Variants in RYR3 observed in about 807,000 individuals in gnomAD.
The protein encoded by RYR3 is brain ryanodine receptor-calcium release channel.
RYR3 carries 207 observed loss-of-function variants against 584.3 expected under a neutral mutation model. The ratio of observed to expected loss-of-function variants is 0.35; its 90% CI spans 0.32 to 0.40. The LOEUF (loss-of-function observed/expected upper bound fraction) is 0.40. Ranked by LOEUF, RYR3 falls within the 10% of genes least tolerant of loss-of-function variation. The probability of loss-of-function intolerance (pLI) is 1.00; values close to 1 mark genes in which losing one functional copy is unlikely to be tolerated. For synonymous variants in RYR3, 2,416 were observed against 2,248.5 expected, an observed-to-expected ratio of 1.07 and a Z score of -2.11; for missense variants, 5,616 against 6,089.2, an observed-to-expected ratio of 0.92 and a Z score of 2.59.
chr15:33,528,978 C>T (rs2054621412), intron 3 of RYR3, among the ~76,000 whole-genome samples: 2 of 152,292 alleles, frequency 1.3e-5, no homozygotes, highest in Middle Eastern at 3.4e-3. Flanking sequence ...GGAGGACACA[C>T]CCACAGTGTA....
chr15:33,354,979 A>T (rs141341041), intron 1 of RYR3, among the ~76,000 whole-genome samples: 11,909 of 151,926 alleles, frequency 0.078, 547 homozygotes, highest in Middle Eastern at 0.12. Flanking sequence ...AGGTCAGGAG[A>T]TTGAGACCAG....
In RYR3 at chr15:33,838,929, A is replaced by G. The variant is rs749106946; in HGVS notation, c.12949A>G (p.Ser4317Gly). The G allele has an allele frequency of 1.4e-5, 22 of 1,613,164 alleles. No individual in the cohort carries two copies. The East Asian group carries it at 4.5e-4, about 33-fold the overall frequency. Residue 4317 changes from serine to glycine, a missense_variant, in exon 89 of 104, where the codon AGT becomes GGT. This residue lies in a region of RYR3 where 918 missense variants were observed against 887.4 expected (regional missense o/e 1.03). Transcript: ENST00000634891. ...IGKDEPPTLESTVQKKRKAQA... is the reference protein window; with the variant it reads ...IGKDEPPTLEGTVQKKRKAQA... ...CAAGGATGAACCCCCTACATTAGAG[A>G]GTACTGTACAGAAGAAGAGGAAAGC...
At chr15:33,779,856 AAG>A (rs148963712) in intron 64 of RYR3, among the ~76,000 whole-genome samples, 28,285 of 151,750 alleles carry the variant, frequency 0.19, 3,331 homozygotes, top group South Asian at 0.25. Flanking sequence ...AAAATAGAAA[AAG>A]AAATTAACCG....
intron 102 of RYR3, among the ~76,000 whole-genome samples, chr15:33,861,963 C>A (rs546912725): frequency 2.0e-5 from 3 of 151,952 alleles, no homozygotes; most frequent in African/African-American, 7.3e-5. Flanking sequence ...ATGCCTGGCA[C>A]CCAGTAGGCA....
At chr15:33,723,838 G>T (rs2152809621) in intron 44 of RYR3, among the ~76,000 whole-genome samples, 1 of 152,346 alleles carries the variant, frequency 6.6e-6, no homozygotes, top group Non-Finnish European at 1.5e-5. Flanking sequence ...CGGTACTCAT[G>T]CCTTAAGATT....
chr15:33,738,285 T>C (rs1159613064), intron 49 of RYR3, among the ~76,000 whole-genome samples, 165 bp from the exon 50 acceptor site: 1 of 152,182 alleles, frequency 6.6e-6, no homozygotes, highest in African/African-American at 2.4e-5. Flanking sequence ...GAGAGCAGAC[T>C]GTTCCCAGCG....
intron 29 of RYR3, 97 bp from the exon 30 acceptor site, chr15:33,647,327 C>T: frequency 3.1e-6 from 3 of 954,840 alleles, no homozygotes; most frequent in South Asian, 1.5e-5. Flanking sequence ...GTTTCCTAAA[C>T]TTGACTTGAT....
chr15:33,764,094 A>T (rs2072777502), intron 60 of RYR3, among the ~76,000 whole-genome samples: 1 of 152,150 alleles, frequency 6.6e-6, no homozygotes, highest in Non-Finnish European at 1.5e-5. Flanking sequence ...TACCCAAAGG[A>T]TTATAAATTA....
chr15:33,809,955 T>G (rs1245196950), intron 70 of RYR3, among the ~76,000 whole-genome samples: 1 of 152,212 alleles, frequency 6.6e-6, no homozygotes, highest in Non-Finnish European at 1.5e-5. Flanking sequence ...TCAGCTGGAT[T>G]CCAAAGCAGC....
intron 40 of RYR3, among the ~76,000 whole-genome samples, chr15:33,698,326 G>A (rs949796516): frequency 2.0e-5 from 3 of 152,204 alleles, no homozygotes; most frequent in South Asian, 4.1e-4. Flanking sequence ...GTTTTGTGCT[G>A]AGTCAGGAGA....
At position 33,487,018 on chromosome 15, in the gene RYR3, C is replaced by T. The variant is rs142429164; in HGVS notation, c.171+13480C>T. Among the ~76,000 whole-genome samples the T allele has an allele frequency of 8.1e-3, 1,230 of 151,986 alleles. 11 individuals are homozygous for T. The highest frequency in any genetic ancestry group is 0.014 in the Non-Finnish European group (937 of 67,948). The stretch of plus-strand genomic sequence containing the variant: ...TTCAAGACCACCCTGGCCAACATGG[C>T]AAAAACCCATACCTACTAAAAATAC... On this transcript the variant is annotated intron_variant, in intron 2 of 103. Transcript: ENST00000634891.
At chr15:33,318,427 A>C (rs1174507010) in intron 1 of RYR3, among the ~76,000 whole-genome samples, 1 of 152,232 alleles carries the variant, frequency 6.6e-6, no homozygotes, top group Non-Finnish European at 1.5e-5. Flanking sequence ...CAAAGTTGTT[A>C]GCTCAGCAGG....
intron 81 of RYR3, among the ~76,000 whole-genome samples, 178 bp from the exon 82 acceptor site, chr15:33,825,425 C>T (rs564392657): frequency 3.9e-5 from 6 of 152,284 alleles, no homozygotes; most frequent in African/African-American, 1.4e-4. Context: ...GCACCTAAGA[C>T]AACACTGCTC....
At chr15:33,577,169 TA>T (rs2058342239) in intron 12 of RYR3, among the ~76,000 whole-genome samples, 1 of 152,154 alleles carries the variant, frequency 6.6e-6, no homozygotes, top group African/African-American at 2.4e-5. Flanking sequence ...GAAGAATCAA[TA>T]TCATGAAAAT....
intron 38 of RYR3, among the ~76,000 whole-genome samples, chr15:33,675,351 C>A (rs199710041): frequency 1.3e-5 from 2 of 152,186 alleles, no homozygotes; most frequent in Non-Finnish European, 2.9e-5. Flanking sequence ...AAGTAACTTT[C>A]CAAAATCACA....
At chr15:33,811,822 A>G (rs2076565432) in intron 72 of RYR3, among the ~76,000 whole-genome samples, 1 of 152,118 alleles carries the variant, frequency 6.6e-6, no homozygotes, top group African/African-American at 2.4e-5. Flanking sequence ...TCTAGTTGGT[A>G]CAATAAAAAA....
intron 86 of RYR3, 66 bp downstream of exon 86, chr15:33,831,157 T>G: frequency 6.9e-7 from 1 of 1,447,204 alleles, no homozygotes; most frequent in Admixed American, 1.8e-5. Context: ...TATTCTATAT[T>G]CCCTACAGAA....
At chr15:33,431,807 T>A (rs1452433614) in intron 1 of RYR3, among the ~76,000 whole-genome samples, 1 of 152,150 alleles carries the variant, frequency 6.6e-6, no homozygotes, top group African/African-American at 2.4e-5. Context: ...TTAGCCTTCT[T>A]TGAAATGCCA....
rs1443765404 is a variant in RYR3, at chr15:33,529,968, T to C, written c.280-624T>C. The stretch of plus-strand genomic sequence containing the variant: ...ACTGTTTGGGCAGCCACTGAGCAAA[T>C]AGCCAAAGTGGAACTGCCTGGTGAG... On this transcript the variant is annotated intron_variant, in intron 3 of 103. Coordinates refer to ENST00000634891, the MANE Select transcript of RYR3 (RefSeq NM_001036.6). 5.3e-5 allele frequency among the ~76,000 whole-genome samples: 8 copies of C among 152,184 alleles called. No individual in the cohort carries two copies. In the South Asian group the frequency reaches 1.5e-3, roughly 28 times the overall value.
Sources: allele counts gnomAD v4.1 joint callset (sites outside exome capture counted in the v4.1 genomes callset), GRCh38; gene constraint gnomAD v4.1.1; regional missense constraint gnomAD v4.1.1; transcripts MANE v1.5; gene names NCBI Gene and HGNC (gene_info 2026-07-23, HGNC 2026-07-21).